The following CFAP58 variants were observed in gnomAD, a reference collection of about 807,000 sequenced individuals.
CFAP58 encodes cilia and flagella associated protein 58, also known as cilia- and flagella-associated protein 58.
Under a neutral mutation model 119.5 loss-of-function variants are expected in CFAP58, and 88 were observed. The ratio of observed to expected loss-of-function variants is 0.74; its 90% CI spans 0.62 to 0.88. The LOEUF (loss-of-function observed/expected upper bound fraction) is 0.88. CFAP58 is among the 40% of genes least tolerant of loss of function. CFAP58 has a pLI of 0.00. For synonymous variants in CFAP58, 365 were observed against 366.3 expected, an observed-to-expected ratio of 1.00 and a Z score of 0.04; for missense variants, 990 against 1,021.2, an observed-to-expected ratio of 0.97 and a Z score of 0.42.
intron 11 of CFAP58, among the ~76,000 whole-genome samples, chr10:104,395,892 A>G (rs2012143342): frequency 6.6e-6 from 1 of 152,216 alleles, no homozygotes; most frequent in Admixed American, 6.5e-5. Flanking sequence ...TTCCAAGCCG[A>G]TAGGCAAACG....
chr10:104,339,136 T>G, the CFAP58 span, among the ~76,000 whole-genome samples: 1 of 152,208 alleles, frequency 6.6e-6, no homozygotes, highest in Non-Finnish European at 1.5e-5. Flanking sequence ...TCGAACTCCC[T>G]TCTCGGCCTT....
chr10:104,400,614 T>G, intron 12 of CFAP58, 66 bp from the exon 13 acceptor site: 2 of 1,281,358 alleles, frequency 1.6e-6, no homozygotes. Context: ...GAATGAATGG[T>G]GCTGTCACAG....
chr10:104,363,810 C>T (rs1322467496), intron 3 of CFAP58, among the ~76,000 whole-genome samples: 1 of 152,196 alleles, frequency 6.6e-6, no homozygotes, highest in Admixed American at 6.5e-5. Context: ...TTTGAGCAGT[C>T]GTTTGATGAC....
chr10:104,414,765 G>A (rs1481971780), intron 15 of CFAP58, among the ~76,000 whole-genome samples: 5 of 152,296 alleles, frequency 3.3e-5, no homozygotes, highest in African/African-American at 9.6e-5. Context: ...CGCCTCCCGG[G>A]TTCACGCCAT....
intron 14 of CFAP58, among the ~76,000 whole-genome samples, chr10:104,404,093 C>T (rs980237168): frequency 1.3e-5 from 2 of 152,216 alleles, no homozygotes; most frequent in African/African-American, 4.8e-5. Flanking sequence ...GAACCTGCCT[C>T]ACCAATTGAC....
chr10:104,447,875 A>G (rs755433004), intron 16 of CFAP58, 58 bp downstream of exon 16: 44 of 1,517,394 alleles, frequency 2.9e-5, no homozygotes, highest in Admixed American at 8.5e-5. Flanking sequence ...TGGGGAGCAC[A>G]CCTGGACAAG....
At chr10:104,388,852 G>C (rs1239949313) in intron 9 of CFAP58, among the ~76,000 whole-genome samples, 2 of 152,144 alleles carry the variant, frequency 1.3e-5, no homozygotes, top group African/African-American at 4.8e-5. Context: ...GTTATAAACT[G>C]AGGCTGTACT....
chr10:104,383,121 A>T (rs984321475), intron 9 of CFAP58, among the ~76,000 whole-genome samples: 1 of 152,148 alleles, frequency 6.6e-6, no homozygotes, highest in Non-Finnish European at 1.5e-5. Context: ...TTCTCTGTGG[A>T]AAGTTCTGTC....
chr10:104,367,914 C>G (rs1009008219), intron 5 of CFAP58, among the ~76,000 whole-genome samples: 1 of 152,196 alleles, frequency 6.6e-6, no homozygotes, highest in African/African-American at 2.4e-5. Flanking sequence ...GCTGCTGTTC[C>G]ACGGTTTCGA....
intron 11 of CFAP58, among the ~76,000 whole-genome samples, chr10:104,394,973 A>C (rs1318427370): frequency 1.3e-5 from 2 of 152,158 alleles, no homozygotes; most frequent in Non-Finnish European, 2.9e-5. Flanking sequence ...AATGTAATCC[A>C]TTTGGTGCAT....
intron 6 of CFAP58, among the ~76,000 whole-genome samples, chr10:104,370,561 C>T (rs2014808801): frequency 1.3e-5 from 2 of 152,302 alleles, no homozygotes; most frequent in South Asian, 4.1e-4. Context: ...TCAATTACCT[C>T]CCATCGGGTT....
chr10:104,343,629 G>C, the CFAP58 span, among the ~76,000 whole-genome samples: 4 of 152,278 alleles, frequency 2.6e-5, no homozygotes, highest in African/African-American at 9.6e-5. Context: ...TATGTTTACT[G>C]AATGTGATAC....
At chr10:104,439,134 A>G (rs2012992428) in intron 15 of CFAP58, among the ~76,000 whole-genome samples, 1 of 152,216 alleles carries the variant, frequency 6.6e-6, no homozygotes, top group South Asian at 2.1e-4. Context: ...AATGGTGCTT[A>G]CCTTGGATGA....
chr10:104,397,345 C>T (rs2012182699), intron 11 of CFAP58, among the ~76,000 whole-genome samples: 1 of 151,970 alleles, frequency 6.6e-6, no homozygotes, highest in African/African-American at 2.4e-5. Context: ...ATCCCTAGAC[C>T]AAAACATATT....
intron 12 of CFAP58, 41 bp downstream of exon 12, chr10:104,399,541 GACAC>G (rs747309272): frequency 6.2e-7 from 1 of 1,600,952 alleles, no homozygotes; most frequent in Non-Finnish European, 8.5e-7. Context: ...CTTGTCAACA[GACAC>G]GGGTATTTAA....
chr10:104,355,956 A>G (rs1437657722), intron 1 of CFAP58, among the ~76,000 whole-genome samples: 1 of 152,242 alleles, frequency 6.6e-6, no homozygotes, highest in African/African-American at 2.4e-5. Context: ...GTTGACGTTA[A>G]TACCATTTAC....
At chr10:104,401,514 G>A (rs959338937) in intron 13 of CFAP58, among the ~76,000 whole-genome samples, 7 of 152,194 alleles carry the variant, frequency 4.6e-5, no homozygotes, top group South Asian at 2.1e-4. Context: ...TTGGGAAAAC[G>A]TCACCATGTT....
At chr10:104,447,014 C>A (rs1400869464) in intron 15 of CFAP58, among the ~76,000 whole-genome samples, 1 of 151,800 alleles carries the variant, frequency 6.6e-6, no homozygotes, top group Non-Finnish European at 1.5e-5. Flanking sequence ...CATCATATTT[C>A]TTTTCTTTTT....
At chr10:104,343,903 T>C in the CFAP58 span, among the ~76,000 whole-genome samples, 18 of 152,290 alleles carry the variant, frequency 1.2e-4, no homozygotes, top group Admixed American at 4.6e-4. Flanking sequence ...CCACCATACC[T>C]GGCTAATTTT....
Sources: gnomAD v4.1 joint callset for allele counts (sites outside exome capture counted in the v4.1 genomes callset) on GRCh38, gnomAD v4.1.1 for gene constraint, MANE v1.5 for transcripts, NCBI Gene and HGNC (gene_info 2026-07-23, HGNC 2026-07-21) for gene names.